The following ZNF286A variants were observed in gnomAD, a reference collection of about 807,000 sequenced individuals.
ZNF286A encodes the protein zinc finger protein ZNF286.
ZNF286A carries 34 observed loss-of-function variants against 49.3 expected under a neutral mutation model. That is an observed-to-expected ratio of 0.69 (90% CI 0.52 to 0.92). The LOEUF is 0.92. Among genes scored for constraint, ZNF286A ranks in the 40% least tolerant of loss-of-function variants. The pLI is 0.00. For synonymous variants in ZNF286A, 155 were observed against 200.4 expected, an observed-to-expected ratio of 0.77 and a Z score of 1.91; for missense variants, 462 against 600.2, an observed-to-expected ratio of 0.77 and a Z score of 2.41.
At chr17:15,714,182 T>C (rs1282698691) in intron 5 of ZNF286A, among the ~76,000 whole-genome samples, 3 of 45,914 alleles carry the variant, frequency 6.5e-5, no homozygotes, top group African/African-American at 1.6e-4. Flanking sequence ...TAAAACTGGC[T>C]TTTTTTTTTT....
chr17:15,717,187 A>G lies in ZNF286A; in HGVS notation c.1463A>G (p.His488Arg). The part of the protein sequence containing the change: ...SSALIQHQRT[H>R]TGEKPFRCNE... ...GCTCTCATTCAACATCAGAGAACTCATACCGGAGAGAAACCCTTTAGATGT... is the reference window on the plus strand; with the variant it reads ...GCTCTCATTCAACATCAGAGAACTCGTACCGGAGAGAAACCCTTTAGATGT... Residue 488 changes from histidine to arginine, a missense_variant, in exon 6 of 6, where the codon CAT becomes CGT. Coordinates refer to ENST00000583566, the MANE Select transcript of ZNF286A (RefSeq NM_001130842.2). The G allele has an allele frequency of 6.2e-7, 1 of 1,608,036 alleles. No individual in the cohort carries two copies. Among genetic ancestry groups the G allele is most frequent in the Non-Finnish European group, 8.5e-7 (1 of 1,176,938 alleles).
At chr17:15,715,725 G>A (rs1967008787) in intron 5 of ZNF286A, among the ~76,000 whole-genome samples, 1 of 152,046 alleles carries the variant, frequency 6.6e-6, no homozygotes, top group African/African-American at 2.4e-5. Context: ...CAATAAGTAG[G>A]TATTCTATAA....
At chr17:15,715,007 C>G (rs964124049) in intron 5 of ZNF286A, among the ~76,000 whole-genome samples, 3 of 151,894 alleles carry the variant, frequency 2.0e-5, no homozygotes, top group Admixed American at 1.3e-4. Flanking sequence ...TGTATTTGCT[C>G]TTCTATTTTA....
At chr17:15,710,340 G>C (rs1274666687) in intron 5 of ZNF286A, among the ~76,000 whole-genome samples, 1 of 152,068 alleles carries the variant, frequency 6.6e-6, no homozygotes, top group Non-Finnish European at 1.5e-5. Flanking sequence ...TTATCCCAGT[G>C]TCAGAAAGAT....
At chr17:15,713,132 T>C (rs1299480427) in intron 5 of ZNF286A, among the ~76,000 whole-genome samples, 1 of 152,188 alleles carries the variant, frequency 6.6e-6, no homozygotes, top group Non-Finnish European at 1.5e-5. Flanking sequence ...GGTCCACACT[T>C]GTAATCCCAG....
At chr17:15,706,316 C>G in intron 3 of ZNF286A, 71 bp from the exon 4 acceptor site, 1 of 1,291,740 alleles carries the variant, frequency 7.7e-7, no homozygotes, top group South Asian at 1.2e-5. Context: ...TGCTCCAGGG[C>G]CAGCAGAAAC....
chr17:15,707,679 C>G (rs1460079763), intron 4 of ZNF286A, among the ~76,000 whole-genome samples: 1 of 152,010 alleles, frequency 6.6e-6, no homozygotes, highest in Non-Finnish European at 1.5e-5. Flanking sequence ...TTGTATTTTC[C>G]AAATCCAATT....
intron 1 of ZNF286A, 61 bp from the exon 2 acceptor site, chr17:15,700,074 C>T (rs1201069894): frequency 1.8e-6 from 1 of 570,296 alleles, no homozygotes; most frequent in East Asian, 3.0e-5. Context: ...GGGACAGCTT[C>T]AAGCGGTAGG....
chr17:15,715,979 A>G (rs1967027068), intron 5 of ZNF286A, 80 bp from the exon 6 acceptor site: 1 of 1,575,806 alleles, frequency 6.3e-7, no homozygotes, highest in African/African-American at 1.4e-5. Flanking sequence ...TTTCACTTTC[A>G]TTAACTCTTA....
At chr17:15,702,193 C>T (rs935821689) in intron 3 of ZNF286A, among the ~76,000 whole-genome samples, 1 of 151,176 alleles carries the variant, frequency 6.6e-6, no homozygotes, top group African/African-American at 2.4e-5. Flanking sequence ...ATTCATCTTT[C>T]AACTTTTGTA....
At chr17:15,701,370 T>C in intron 3 of ZNF286A, 130 bp downstream of exon 3, 1 of 664,820 alleles carries the variant, frequency 1.5e-6, no homozygotes, top group Non-Finnish European at 2.4e-6. Flanking sequence ...TCTAAGAGAC[T>C]AGTCAGGAGA....
rs1567716819 is a variant in ZNF286A, at chr17:15,718,800, A to C, written c.*1510A>C. 6.8e-6 allele frequency: 1 copy of C among 147,718 alleles called. No homozygotes were observed. Among genetic ancestry groups the C allele is most frequent in the Non-Finnish European group, 1.5e-5 (1 of 67,532 alleles). 9.2% of individuals were successfully genotyped at this position (147,718 alleles called of 1,614,324 possible). A position where few individuals can be genotyped will look rare whatever the true frequency, so the allele number is the denominator to read the frequency against. ...AGACTGGGTAACTTATAAAGAAAAA[A>C]GGTTTAATTGGCTCATGGTTCCATG... On this transcript the variant is annotated 3_prime_UTR_variant, in exon 6 of 6. Transcript: ENST00000583566.
chr17:15,715,303 T>A (rs1326500665), intron 5 of ZNF286A, among the ~76,000 whole-genome samples: 1 of 151,892 alleles, frequency 6.6e-6, no homozygotes, highest in Admixed American at 6.6e-5. Context: ...TGTGTGCTTA[T>A]TTATAGCTTG....
rs768007104 is a variant in ZNF286A, at chr17:15,717,294, A to G, written c.*4A>G. On this transcript the variant is annotated 3_prime_UTR_variant, in exon 6 of 6. Coordinates refer to ENST00000583566, the MANE Select transcript of ZNF286A (RefSeq NM_001130842.2). ...TCACACTGAAGAGCAACCCTGAAAA[A>G]TTACTGAATGTGAAGAAATGTAAGT... 20 of 1,559,914 alleles carry G rather than the reference A, an allele frequency of 1.3e-5. No individual in the cohort carries two copies. The Admixed American group carries it at 2.4e-4, about 18-fold the overall frequency.
intron 5 of ZNF286A, among the ~76,000 whole-genome samples, chr17:15,708,649 T>C (rs1479771504): frequency 1.3e-5 from 2 of 152,216 alleles, no homozygotes; most frequent in African/African-American, 4.8e-5. Context: ...GGTCACCTTA[T>C]CCTAACTTAT....
Position 15,701,042 on chromosome 17 carries a change from G to C in ZNF286A, c.38-110G>C, listed in dbSNP as rs541240921. 2.2e-4 allele frequency: 176 copies of C among 785,632 alleles called. 1 individual carries two copies. The East Asian group carries it at 4.5e-3, about 20-fold the overall frequency. The allele number at this position is 785,632 out of a possible 1,614,324, so 48.7% of individuals were successfully genotyped here. On this transcript the variant is annotated intron_variant, in intron 2 of 5. Transcript: ENST00000583566. ...GTCGGTTGTTTTGGGGGTACCTTCA[G>C]TCTCAGTGTTTGTAGGCAGCACATA... is the stretch of plus-strand genomic sequence containing the variant.
At chr17:15,708,017 A>C (rs1416017044) in intron 4 of ZNF286A, 138 bp from the exon 5 acceptor site, 1 of 495,286 alleles carries the variant, frequency 2.0e-6, no homozygotes, top group Non-Finnish European at 3.2e-6. Flanking sequence ...GTAAATTTTT[A>C]TAAATTAAAA....
chr17:15,716,047 A>G lies in ZNF286A; in HGVS notation c.335-12A>G. 6.2e-7 allele frequency: 1 copy of G among 1,613,882 alleles called. No homozygotes were observed. Among genetic ancestry groups the G allele is most frequent in the Non-Finnish European group, 8.5e-7 (1 of 1,179,816 alleles). Reference sequence around the variant, plus strand: ...GAAAACGAAGGAAATTTGCATTTCCAATGTCTTTCAGACATGGAGACTAGA... The same window carrying G: ...GAAAACGAAGGAAATTTGCATTTCCGATGTCTTTCAGACATGGAGACTAGA... On this transcript the variant is annotated splice_polypyrimidine_tract_variant and intron_variant, in intron 5 of 5. Transcript: ENST00000583566.
chr17:15,709,105 A>G (rs1383218601), intron 5 of ZNF286A, among the ~76,000 whole-genome samples: 1 of 151,938 alleles, frequency 6.6e-6, no homozygotes, highest in Non-Finnish European at 1.5e-5. Flanking sequence ...TCAACACTTA[A>G]TATTGCTTGT....
Sources: gnomAD v4.1 joint callset for allele counts (sites outside exome capture counted in the v4.1 genomes callset) on GRCh38, gnomAD v4.1.1 for gene constraint, MANE v1.5 for transcripts, NCBI Gene and HGNC (gene_info 2026-07-23, HGNC 2026-07-21) for gene names.